The following NLRP14 variants were observed in gnomAD, a reference collection of about 807,000 sequenced individuals.
The protein encoded by NLRP14 is NLR family pyrin domain containing 14, also known as NACHT, LRR and PYD domains-containing protein 14.
NLRP14 carries 105 observed loss-of-function variants against 94.7 expected under a neutral mutation model. The ratio of observed to expected loss-of-function variants is 1.11; its 90% CI spans 0.95 to 1.30. The LOEUF (loss-of-function observed/expected upper bound fraction) is 1.30. Among genes scored for constraint, NLRP14 ranks in the 50% most tolerant of loss-of-function variants. NLRP14 has a pLI of 0.00. For synonymous variants in NLRP14, 508 were observed against 459.9 expected (o/e 1.10, Z -1.34); for missense variants, 1,362 against 1,254.1 (o/e 1.09, Z -1.30).
intron 1 of NLRP14, among the ~76,000 whole-genome samples, chr11:7,034,169 C>A (rs187202613): frequency 6.6e-6 from 1 of 152,188 alleles, no homozygotes; most frequent in African/African-American, 2.4e-5. Flanking sequence ...TGGAAATCTT[C>A]TCTAAGAGAG....
the NLRP14 span, among the ~76,000 whole-genome samples, chr11:7,080,741 G>A: frequency 1.3e-5 from 2 of 152,102 alleles, no homozygotes; most frequent in South Asian, 4.1e-4. Flanking sequence ...ATCACCAAGG[G>A]GAAAAAGAGA....
At chr11:7,073,551 C>G (rs150776713), downstream of NLRP14, among the ~76,000 whole-genome samples, 1 of 152,122 alleles carries the variant, frequency 6.6e-6, no homozygotes, top group South Asian at 2.1e-4. Flanking sequence ...AGACTCTCCC[C>G]TATTTGAAGT....
intron 1 of NLRP14, among the ~76,000 whole-genome samples, chr11:7,036,166 A>G (rs1162606364): frequency 6.6e-6 from 1 of 152,250 alleles, no homozygotes; most frequent in East Asian, 1.9e-4. Flanking sequence ...ATTTACATCA[A>G]TAAATTTGCA....
At chr11:7,084,472 G>A in the NLRP14 span, among the ~76,000 whole-genome samples, 5 of 152,010 alleles carry the variant, frequency 3.3e-5, no homozygotes, top group Non-Finnish European at 5.9e-5. Flanking sequence ...CTCACACCCC[G>A]TCCTCCAGGG....
chr11:7,052,712 C>T (rs768721193), intron 6 of NLRP14, among the ~76,000 whole-genome samples: 1 of 152,148 alleles, frequency 6.6e-6, no homozygotes, highest in African/African-American at 2.4e-5. Context: ...TCATTATCAA[C>T]TAGAGTAAAA....
At chr11:7,086,673 G>A in the NLRP14 span, among the ~76,000 whole-genome samples, 4 of 152,022 alleles carry the variant, frequency 2.6e-5, no homozygotes, top group South Asian at 8.3e-4. Context: ...TCCAATTTTT[G>A]CCCAAACTTT....
At chr11:7,047,350 T>A (rs1202421543) in intron 5 of NLRP14, among the ~76,000 whole-genome samples, 1 of 151,460 alleles carries the variant, frequency 6.6e-6, no homozygotes, top group Non-Finnish European at 1.5e-5. Flanking sequence ...GGTCTTACTC[T>A]GTTGTCCAGG....
intron 10 of NLRP14, among the ~76,000 whole-genome samples, chr11:7,062,929 G>A (rs981528779): frequency 2.6e-5 from 4 of 152,044 alleles, no homozygotes; most frequent in Non-Finnish European, 4.4e-5. Context: ...GTTCAATTCT[G>A]TGTTTAGATT....
chr11:7,030,111 AG>A (rs1221101720), intron 1 of NLRP14, among the ~76,000 whole-genome samples: 1 of 152,238 alleles, frequency 6.6e-6, no homozygotes, highest in Admixed American at 6.5e-5. Flanking sequence ...CCTTAGAAAA[AG>A]GAAGCCATCA....
chr11:7,043,094 A>T lies in NLRP14; in HGVS notation c.1068A>T (p.Leu356=). ...GGGCCATGAAAGTATTCAGTTCACT[A>T]AAAAGCAATGAGATGCTGTTTAGCA... is the stretch of plus-strand genomic sequence containing the variant. ...KRWAMKVFSS[L]KSNEMLFSMC... is the part of the protein sequence containing the mutation. The change falls in exon 4 of 12, where the codon CTA becomes CTT. Residue 356 remains leucine (L), a synonymous_variant. Transcript: ENST00000299481. The T allele has an allele frequency of 6.2e-7, 1 of 1,614,154 alleles. No individual in the cohort carries two copies.
intron 4 of NLRP14, among the ~76,000 whole-genome samples, chr11:7,044,599 G>A (rs988828581): frequency 6.6e-6 from 1 of 152,064 alleles, no homozygotes; most frequent in South Asian, 2.1e-4. Context: ...AAAAAGAAAT[G>A]AACCTTAAGT....
At chr11:7,072,892 T>G (rs1291649395), downstream of NLRP14, among the ~76,000 whole-genome samples, 1 of 152,166 alleles carries the variant, frequency 6.6e-6, no homozygotes, top group Non-Finnish European at 1.5e-5. Context: ...TCACCTGTCC[T>G]TCACCTGATG....
chr11:7,080,857 G>A, the NLRP14 span, among the ~76,000 whole-genome samples: 2 of 152,206 alleles, frequency 1.3e-5, no homozygotes, highest in Non-Finnish European at 2.9e-5. Flanking sequence ...GCCGATTGTG[G>A]TCAGGATCAC....
the NLRP14 span, among the ~76,000 whole-genome samples, chr11:7,088,118 G>A: frequency 1.3e-5 from 2 of 152,110 alleles, no homozygotes; most frequent in African/African-American, 4.8e-5. Flanking sequence ...CAGAAAATAA[G>A]AAAGAACTTT....
chr11:7,089,492 G>T, the NLRP14 span: 2 of 1,238,886 alleles, frequency 1.6e-6, no homozygotes, highest in African/African-American at 3.2e-5. Context: ...CCCCATCCCG[G>T]GGCGGGCCCG....
At chr11:7,090,208 A>G in the NLRP14 span, 5 of 1,612,644 alleles carry the variant, frequency 3.1e-6, no homozygotes, top group South Asian at 5.5e-5. Context: ...CCCCAGCGTG[A>G]TTCTTACAGC....
chr11:7,071,693 T>C (rs1852802742), downstream of NLRP14, among the ~76,000 whole-genome samples: 1 of 150,806 alleles, frequency 6.6e-6, no homozygotes, highest in African/African-American at 2.4e-5. Context: ...GCACGTTTTA[T>C]TAAAATGTGT....
At chr11:7,076,377 A>T (rs906188821), downstream of NLRP14, among the ~76,000 whole-genome samples, 1 of 151,986 alleles carries the variant, frequency 6.6e-6, no homozygotes, top group African/African-American at 2.4e-5. Flanking sequence ...TTTCTTTTTA[A>T]TTTTTTTGTG....
chr11:7,058,920 G>T (rs1050915236), intron 8 of NLRP14, among the ~76,000 whole-genome samples: 20 of 151,830 alleles, frequency 1.3e-4, no homozygotes, highest in Non-Finnish European at 2.2e-4. Flanking sequence ...AATAAGCCAA[G>T]GTTTTAATTT....
Sources: allele counts gnomAD v4.1 joint callset (sites outside exome capture counted in the v4.1 genomes callset), GRCh38; gene constraint gnomAD v4.1.1; transcripts MANE v1.5; gene names NCBI Gene and HGNC (gene_info 2026-07-23, HGNC 2026-07-21).